Variants in MINDY2 observed in about 807,000 individuals in gnomAD.
MINDY2 encodes MINDY lysine 48 deubiquitinase 2, also known as ubiquitin carboxyl-terminal hydrolase MINDY-2.
A neutral mutation model predicts 68.2 loss-of-function variants in MINDY2; 52 were observed. The ratio of observed to expected loss-of-function variants is 0.76; its 90% CI spans 0.61 to 0.96. MINDY2 has a LOEUF of 0.96. MINDY2 is among the 40% of genes least tolerant of loss of function. The pLI, the probability that MINDY2 is intolerant of heterozygous loss-of-function variation, is 0.00. For missense variants in MINDY2, 881 were observed against 773.4 expected, an observed-to-expected ratio of 1.14 and a Z score of -1.65; for synonymous variants, 372 against 303.0, an observed-to-expected ratio of 1.23 and a Z score of -2.36.
At chr15:58,792,015 A>G (rs1901974886) in intron 2 of MINDY2, among the ~76,000 whole-genome samples, 1 of 152,118 alleles carries the variant, frequency 6.6e-6, no homozygotes, top group South Asian at 2.1e-4. Context: ...GTGAGAGATG[A>G]GCTGAATCAA....
chr15:58,829,214 G>C (rs1456824547), intron 5 of MINDY2, among the ~76,000 whole-genome samples: 1 of 152,192 alleles, frequency 6.6e-6, no homozygotes, highest in African/African-American at 2.4e-5. Context: ...TTTAAAACTA[G>C]GTTAGCCTTT....
chr15:58,771,860 C>G lies in MINDY2; in HGVS notation c.465C>G (p.Gly155=). 2 of 1,589,098 alleles carry G rather than the reference C, an allele frequency of 1.3e-6. No individual in the cohort carries two copies. The highest frequency in any genetic ancestry group is 2.3e-5 in the South Asian group (2 of 88,482). Residue 155 remains glycine, a synonymous_variant, in exon 1 of 9, where the codon GGC becomes GGG. Coordinates refer to ENST00000559228, the MANE Select transcript of MINDY2 (RefSeq NM_001040450.3). ...AAGSEEPSSA[G]GLSSSCSDPS... ...GCTCCGAAGAGCCCAGCAGCGCCGG[C>G]GGCCTCAGCAGCAGTTGCAGCGACC...
intron 6 of MINDY2, among the ~76,000 whole-genome samples, chr15:58,835,168 G>A (rs562243944): frequency 2.0e-5 from 3 of 152,282 alleles, no homozygotes; most frequent in African/African-American, 7.2e-5. Flanking sequence ...GGACCTCGTA[G>A]TTTGACAAGG....
At chr15:58,814,678 C>G (rs2030554986) in intron 4 of MINDY2, among the ~76,000 whole-genome samples, 1 of 151,998 alleles carries the variant, frequency 6.6e-6, no homozygotes, top group African/African-American at 2.4e-5. Flanking sequence ...GCCCTTTTCC[C>G]CATTTTTTTT....
intron 5 of MINDY2, among the ~76,000 whole-genome samples, chr15:58,831,039 G>GTATATATATATATATATATATATATA (rs1247362730): frequency 9.1e-6 from 1 of 109,570 alleles, no homozygotes; most frequent in Non-Finnish European, 1.8e-5. Flanking sequence ...GTGTGTGTGT[G>GTATATATATATATATATATATATATA]TGTATATATA....
In MINDY2 at chr15:58,771,653, C is replaced by A; in HGVS notation, c.258C>A (p.Asp86Glu). The change falls in exon 1 of 9, where the codon GAC becomes GAA. Residue 86 changes from aspartate (D) to glutamate (E), a missense_variant. Asp to Glu is a conservative substitution (Grantham distance 45). Transcript: ENST00000559228. ...PGPCSSSAGL[D>E]LKDSGLESPA... ...CCTGCAGCTCCTCCGCGGGTTTGGA[C>A]TTGAAGGACAGTGGTTTGGAGAGTC... The A allele has an allele frequency of 2.5e-6, 4 of 1,612,578 alleles. No homozygotes were observed. The highest frequency in any genetic ancestry group is 3.4e-6 in the Non-Finnish European group (4 of 1,179,912).
In MINDY2 at chr15:58,847,329, G is replaced by T. The variant is rs1567076113; in HGVS notation, c.1401G>T (p.Gly467=). Residue 467 remains glycine (G), a synonymous_variant, in exon 7 of 9, where the codon GGG becomes GGT. Transcript: ENST00000559228. The part of the protein sequence containing the change: ...GQLYLLVTDQ[G]FLTEEKVVWE... ...TGTATTTGTTGGTAACGGACCAGGGGTTTCTTACTGAAGAGAAAGTTGTTT... is the reference window on the plus strand; with the variant it reads ...TGTATTTGTTGGTAACGGACCAGGGTTTTCTTACTGAAGAGAAAGTTGTTT... 5 of 1,591,704 alleles carry T rather than the reference G, an allele frequency of 3.1e-6. No individual in the cohort carries two copies. Among genetic ancestry groups the T allele is most frequent in the Non-Finnish European group, 4.3e-6 (5 of 1,162,906 alleles).
chr15:58,852,922 G>GTTTTTTTT (rs746154698), intron 8 of MINDY2, among the ~76,000 whole-genome samples: 1 of 48,966 alleles, frequency 2.0e-5, no homozygotes, highest in African/African-American at 7.5e-5. Flanking sequence ...TGCTGTTCCT[G>GTTTTTTTT]TTTTTTTTTT....
In MINDY2 at chr15:58,851,895, G is replaced by T. The variant is rs372499674; in HGVS notation, c.1667G>T (p.Arg556Leu). ...AKKLQEEEDR[R>L]ASQYYQEQEQ... ...AAACTCCAAGAGGAAGAGGACAGACGGGCTTCTCAATACTATCAGGAACAG... is the reference window on the plus strand; with the variant it reads ...AAACTCCAAGAGGAAGAGGACAGACTGGCTTCTCAATACTATCAGGAACAG... The change falls in exon 8 of 9, where the codon CGG (arginine) becomes CTG (leucine). Residue 556 changes from arginine (R) to leucine (L), a missense_variant. By Grantham distance (102) the Arg-to-Leu change is moderately radical. Transcript: ENST00000559228. The T allele has an allele frequency of 6.2e-7, 1 of 1,612,860 alleles. No individual in the cohort carries two copies. The highest frequency in any genetic ancestry group is 8.5e-7 in the Non-Finnish European group (1 of 1,179,702).
intron 3 of MINDY2, among the ~76,000 whole-genome samples, chr15:58,809,862 CTA>C (rs1474376687): frequency 1.3e-5 from 2 of 152,214 alleles, no homozygotes; most frequent in African/African-American, 4.8e-5. Flanking sequence ...TCACTGCAAC[CTA>C]CACCTACTGG....
intron 1 of MINDY2, among the ~76,000 whole-genome samples, chr15:58,780,112 T>C (rs1473590666): frequency 6.6e-6 from 1 of 152,066 alleles, no homozygotes; most frequent in Non-Finnish European, 1.5e-5. Context: ...TTTATATATA[T>C]AGAAAATTGA....
chr15:58,829,894 C>T (rs549406993), intron 5 of MINDY2, among the ~76,000 whole-genome samples: 2 of 152,254 alleles, frequency 1.3e-5, no homozygotes, highest in South Asian at 4.2e-4. Flanking sequence ...TGGAATAAAC[C>T]TATGTTATCT....
intron 5 of MINDY2, among the ~76,000 whole-genome samples, chr15:58,825,516 A>G (rs1233030207): frequency 6.6e-6 from 1 of 152,218 alleles, no homozygotes; most frequent in Admixed American, 6.5e-5. Flanking sequence ...ACCAGCAGCC[A>G]GACTTCACCA....
chr15:58,843,650 A>G (rs1309450985), intron 6 of MINDY2, among the ~76,000 whole-genome samples: 5 of 151,982 alleles, frequency 3.3e-5, no homozygotes, highest in Non-Finnish European at 5.9e-5. Flanking sequence ...CCTGACCAAC[A>G]CAGTGAAACC....
chr15:58,809,642 A>G (rs1472265328), intron 3 of MINDY2, among the ~76,000 whole-genome samples: 1 of 152,212 alleles, frequency 6.6e-6, no homozygotes, highest in African/African-American at 2.4e-5. Context: ...GTGGTCTAAA[A>G]TAGGTCCTTC....
At chr15:58,801,161 A>G (rs1252857673) in intron 2 of MINDY2, among the ~76,000 whole-genome samples, 1 of 151,894 alleles carries the variant, frequency 6.6e-6, no homozygotes, top group African/African-American at 2.4e-5. Flanking sequence ...TTTACTAGAA[A>G]CAGGATTTCA....
At chr15:58,798,023 C>G (rs1029039430) in intron 2 of MINDY2, among the ~76,000 whole-genome samples, 2 of 152,190 alleles carry the variant, frequency 1.3e-5, no homozygotes, top group African/African-American at 4.8e-5. Context: ...CTGAAAAGCT[C>G]ATATGCTCAA....
rs1229053701 is a variant in MINDY2 at position 58,834,001 on chromosome 15, TC to T, written c.1368+2087del. On this transcript the variant is annotated intron_variant, in intron 6 of 8. Coordinates refer to ENST00000559228, the MANE Select transcript of MINDY2 (RefSeq NM_001040450.3). ...TCCTAGGCAGAGGTCCCTGCAGCCT[TC>T]CGCAGTGTTTTGTGTCTCTGGGTAC... Among the ~76,000 whole-genome samples, 3 of 152,156 alleles carry T rather than the reference TC, an allele frequency of 2.0e-5. No individual in the cohort carries two copies. In the East Asian group the frequency reaches 5.8e-4, roughly 29 times the overall value.
intron 5 of MINDY2, among the ~76,000 whole-genome samples, chr15:58,824,271 C>T (rs2031251484): frequency 6.6e-6 from 1 of 151,990 alleles, no homozygotes; most frequent in Non-Finnish European, 1.5e-5. Flanking sequence ...ACATTGATTC[C>T]TCAGGATAAT....
Sources: allele counts gnomAD v4.1 joint callset (sites outside exome capture counted in the v4.1 genomes callset), GRCh38; gene constraint gnomAD v4.1.1; transcripts MANE v1.5; gene names NCBI Gene and HGNC (gene_info 2026-07-23, HGNC 2026-07-21).